Variants in LTBP3 observed in about 807,000 individuals in gnomAD.
The protein encoded by LTBP3 is latent transforming growth factor beta binding protein 3, also known as latent-transforming growth factor beta-binding protein 3.
Under a neutral mutation model 159.7 loss-of-function variants are expected in LTBP3, and 97 were observed. The observed-to-expected ratio is 0.61, with a 90% CI of 0.52 to 0.72. The LOEUF (loss-of-function observed/expected upper bound fraction) is 0.72. LTBP3 is among the 30% of genes least tolerant of loss of function. LTBP3 has a pLI of 0.00. For missense variants in LTBP3, 1,584 were observed against 1,864.3 expected, an observed-to-expected ratio of 0.85 and a Z score of 2.77; for synonymous variants, 824 against 777.1, an observed-to-expected ratio of 1.06 and a Z score of -1.00.
Position 65,557,878 on chromosome 11 carries a change from G to GCAGCAGCGC in LTBP3, c.73_81dup (p.Ala25_Leu27dup). On this transcript the variant is annotated inframe_insertion, in exon 1 of 28. Transcript: ENST00000301873. ...CCCAGCAGCAGCAGCAGCAGCAGCAGCAGCAGCGCCAGCAGCCCCGCCGCC... is the reference window on the plus strand; with the variant it reads ...CCCAGCAGCAGCAGCAGCAGCAGCAGCAGCAGCGCCAGCAGCGCCAGCAGCCCCGCCGCC... 1 of 1,318,580 alleles carries GCAGCAGCGC rather than the reference G, an allele frequency of 7.6e-7. No homozygotes were observed. The highest frequency in any genetic ancestry group is 1.9e-5 in the South Asian group (1 of 52,070). The allele number at this position is 1,318,580 out of a possible 1,614,324, so 81.7% of individuals were successfully genotyped here.
chr11:65,538,733 TG>T lies in LTBP3; in HGVS notation c.*346del. On this transcript the variant is annotated 3_prime_UTR_variant, in exon 28 of 28. Coordinates refer to ENST00000301873, the MANE Select transcript of LTBP3 (RefSeq NM_001130144.3). ...CTTGTGCCGGGCTCAGTCTAGCCCCTGGGAGGCGGCTGGGGTCTGGCGCCGC... is the reference window on the plus strand; with the variant it reads ...CTTGTGCCGGGCTCAGTCTAGCCCCTGGAGGCGGCTGGGGTCTGGCGCCGC... 9.6e-7 allele frequency: 1 copy of T among 1,045,220 alleles called. No homozygotes were observed. The highest frequency in any genetic ancestry group is 1.3e-6 in the Non-Finnish European group (1 of 745,614). 64.7% of individuals were successfully genotyped at this position (1,045,220 alleles called of 1,614,324 possible).
In LTBP3 at chr11:65,551,395, A is replaced by G; in HGVS notation, c.1621+7T>C. On this transcript the variant is annotated splice_region_variant and intron_variant, in intron 10 of 27. Coordinates refer to ENST00000301873, the MANE Select transcript of LTBP3 (RefSeq NM_001130144.3). ...TTGAGGACTCATCCCTACAGTGCCC[A>G]GCTCACCGGGGTAGGGCCGGGCAGG... is the stretch of plus-strand genomic sequence containing the variant. 1 of 1,612,426 alleles carries G rather than the reference A, an allele frequency of 6.2e-7. No individual in the cohort carries two copies. Among genetic ancestry groups the G allele is most frequent in the Non-Finnish European group, 8.5e-7 (1 of 1,179,892 alleles).
intron 24 of LTBP3, 61 bp from the exon 25 acceptor site, chr11:65,539,942 C>G (rs763745752): frequency 4.8e-5 from 70 of 1,467,034 alleles, no homozygotes; most frequent in Admixed American, 3.9e-4. Context: ...GCCTCCGCCC[C>G]ACCCCACCTG....
chr11:65,553,573 C>G lies in LTBP3; in HGVS notation c.865-43G>C, dbSNP rs752249307. On this transcript the variant is annotated intron_variant, in intron 3 of 27. Coordinates refer to ENST00000301873, the MANE Select transcript of LTBP3 (RefSeq NM_001130144.3). The surrounding 1 kb of genome is among the most constrained non-coding windows in gnomAD (Gnocchi z 6.5). Reference sequence around the variant, plus strand: ...AGGTGGGGTCACAGAGCACCCCGCCCCGGTGCCGCCTGTTAGGGTTGGGCC... The same window carrying G: ...AGGTGGGGTCACAGAGCACCCCGCCGCGGTGCCGCCTGTTAGGGTTGGGCC... 1.3e-6 allele frequency: 2 copies of G among 1,499,840 alleles called. No individual in the cohort carries two copies. Among genetic ancestry groups the G allele is most frequent in the Non-Finnish European group, 1.8e-6 (2 of 1,085,692 alleles). 92.9% of individuals were successfully genotyped at this position (1,499,840 alleles called of 1,614,324 possible). A position where few individuals can be genotyped will look rare whatever the true frequency, so the allele number is the denominator to read the frequency against.
At chr11:65,556,442 C>T (rs1856815847) in intron 1 of LTBP3, among the ~76,000 whole-genome samples, 1 of 152,184 alleles carries the variant, frequency 6.6e-6, no homozygotes, top group South Asian at 2.1e-4. Context: ...GCAGGAGAAT[C>T]ACTTGAACCC....
chr11:65,547,939 G>T lies in LTBP3; in HGVS notation c.1827C>A (p.Pro609=). Reference sequence around the variant, plus strand: ...GCTCACCCACGCAGTAGCGGTGCTGGGGATGTGACCGGTAGCCGGGGTTGC... The same window carrying T: ...GCTCACCCACGCAGTAGCGGTGCTGTGGATGTGACCGGTAGCCGGGGTTGC... The part of the protein sequence containing the change: ...CHCNPGYRSH[P]QHRYCVDVNE... Residue 609 remains proline (P), a synonymous_variant, in exon 12 of 28, where the codon CCC becomes CCA. Coordinates refer to ENST00000301873, the MANE Select transcript of LTBP3 (RefSeq NM_001130144.3). The surrounding 1 kb of genome is among the most constrained non-coding windows in gnomAD (Gnocchi z 4.6). 1 of 1,613,890 alleles carries T rather than the reference G, an allele frequency of 6.2e-7. No individual in the cohort carries two copies.
Position 65,557,729 on chromosome 11 carries a change from C to T in LTBP3, c.231G>A (p.Lys77=). ...APVICKRTCL[K]GQCRDSCQQG... is the part of the protein sequence containing the mutation. ...GCTGACAACTGTCCCGACACTGGCC[C>T]TTGAGACAGGTCCGCTTGCAGATCA... Residue 77 remains lysine, a synonymous_variant, in exon 1 of 28, where the codon AAG becomes AAA. Coordinates refer to ENST00000301873, the MANE Select transcript of LTBP3 (RefSeq NM_001130144.3). The T allele has an allele frequency of 1.2e-6, 2 of 1,608,424 alleles. No homozygotes were observed. The highest frequency in any genetic ancestry group is 1.7e-6 in the Non-Finnish European group (2 of 1,179,850).
At chr11:65,540,195 GC>G in intron 23 of LTBP3, 42 bp from the exon 24 acceptor site, 1 of 1,541,314 alleles carries the variant, frequency 6.5e-7, no homozygotes, top group East Asian at 2.5e-5. Context: ...TCACAGCTCG[GC>G]CCGGGCCCCG....
chr11:65,539,732 G>A lies in LTBP3; in HGVS notation c.3535C>T (p.Pro1179Ser). 6.5e-7 allele frequency: 1 copy of A among 1,547,700 alleles called. No individual in the cohort carries two copies. The highest frequency in any genetic ancestry group is 1.2e-5 in the South Asian group (1 of 85,230). Residue 1179 changes from proline (P) to serine (S), a missense_variant, in exon 25 of 28, where the codon CCG becomes TCG. Transcript: ENST00000301873. The part of the protein sequence containing the change: ...GWGAQCRPCP[P>S]RGAGSHCPTS... ...CCGACTGCCTTACCCGCGCCGCGCG[G>A]CGGGCACGGTCGGCATTGGGCGCCC...
At position 65,554,408 on chromosome 11, in the gene LTBP3, C is replaced by T; in HGVS notation, c.332-28G>A. The T allele has an allele frequency of 6.4e-7, 1 of 1,566,238 alleles. No individual in the cohort carries two copies. Among genetic ancestry groups the T allele is most frequent in the Non-Finnish European group, 8.7e-7 (1 of 1,145,448 alleles). ...GGGGAGAAGAGTGGGGTCAGGCCCT[C>T]ACCCACATCCTGTCTCTTTCCCCTC... is the stretch of plus-strand genomic sequence containing the variant. On this transcript the variant is annotated intron_variant, in intron 1 of 27. Transcript: ENST00000301873. The surrounding 1 kb of genome is among the most constrained non-coding windows in gnomAD (Gnocchi z 5.3).
chr11:65,540,965 A>G lies in LTBP3; in HGVS notation c.2894-11T>C. On this transcript the variant is annotated splice_polypyrimidine_tract_variant and intron_variant, in intron 20 of 27. Transcript: ENST00000301873. ...GGCTGTGGAACTCGGCTGCAGGGGCAGGGCGGCCGTGGGGAGGGAAGAGGC... is the reference window on the plus strand; with the variant it reads ...GGCTGTGGAACTCGGCTGCAGGGGCGGGGCGGCCGTGGGGAGGGAAGAGGC... 1 of 1,611,908 alleles carries G rather than the reference A, an allele frequency of 6.2e-7. No individual in the cohort carries two copies.
chr11:65,552,315 C>T lies in LTBP3; in HGVS notation c.1278G>A (p.Gln426=). ...CCTTGCCGACACTGCAGCAGCAGAG[C>T]TGGCGGGTCAGGCGGGTGGTCAGTG... The part of the protein sequence containing the change: ...QHPLTTRLTR[Q]LCCCSVGKAW... Residue 426 remains glutamine (Q), a synonymous_variant, in exon 7 of 28, where the codon CAG becomes CAA. Coordinates refer to ENST00000301873, the MANE Select transcript of LTBP3 (RefSeq NM_001130144.3). This position sits in a 1 kb window ranked among gnomAD's most constrained non-coding sequence, Gnocchi z 6.0. 1.9e-6 allele frequency: 3 copies of T among 1,614,122 alleles called. No individual in the cohort carries two copies. The highest frequency in any genetic ancestry group is 2.5e-6 in the Non-Finnish European group (3 of 1,180,008).
rs925066687 is a variant in LTBP3, at chr11:65,552,335, T to G, written c.1258A>C (p.Thr420Pro). 1 of 1,613,814 alleles carries G rather than the reference T, an allele frequency of 6.2e-7. No individual in the cohort carries two copies. Among genetic ancestry groups the G allele is most frequent in the Non-Finnish European group, 8.5e-7 (1 of 1,179,974 alleles). The change falls in exon 7 of 28, where the codon ACC (threonine) becomes CCC (proline). Residue 420 changes from threonine (T) to proline (P), a missense_variant. By Grantham distance (38) the Thr-to-Pro change is conservative (BLOSUM62 -1). This residue lies in a region of LTBP3 where 156 missense variants were observed against 259.7 expected (regional missense o/e 0.60). Coordinates refer to ENST00000301873, the MANE Select transcript of LTBP3 (RefSeq NM_001130144.3). This position sits in a 1 kb window ranked among gnomAD's most constrained non-coding sequence, Gnocchi z 6.0. The stretch of plus-strand genomic sequence containing the variant: ...CAGAGCTGGCGGGTCAGGCGGGTGG[T>G]CAGTGGGTGCTGGCACTGGTGCTCA... Reference protein sequence around the residue: ...SPEHQCQHPLTTRLTRQLCCC... With the variant: ...SPEHQCQHPLPTRLTRQLCCC...
At position 65,558,196 on chromosome 11, in the gene LTBP3, G is replaced by A; in HGVS notation, c.-237C>T. The stretch of plus-strand genomic sequence containing the variant: ...CAGGACGAAGCCCAGACCAGGCCCC[G>A]AACTCAGGCAGGAGCGAGGAGGCCG... On this transcript the variant is annotated 5_prime_UTR_variant, in exon 1 of 28. Transcript: ENST00000301873. The A allele has an allele frequency of 6.6e-6, 7 of 1,061,280 alleles. No homozygotes were observed. Among genetic ancestry groups the A allele is most frequent in the Non-Finnish European group, 8.0e-6 (7 of 877,532 alleles). The allele number at this position is 1,061,280 out of a possible 1,614,324, so 65.7% of individuals were successfully genotyped here.
chr11:65,538,950 G>A lies in LTBP3; in HGVS notation c.*130C>T. ...CCGGTAGGGGCGCCTCGGGTCTCAAGGCGCCGGGAGGGTCTGCGGGCCCTG... is the reference window on the plus strand; with the variant it reads ...CCGGTAGGGGCGCCTCGGGTCTCAAAGCGCCGGGAGGGTCTGCGGGCCCTG... On this transcript the variant is annotated 3_prime_UTR_variant, in exon 28 of 28. Coordinates refer to ENST00000301873, the MANE Select transcript of LTBP3 (RefSeq NM_001130144.3). 7.6e-7 allele frequency: 1 copy of A among 1,310,336 alleles called. No homozygotes were observed. The highest frequency in any genetic ancestry group is 9.7e-7 in the Non-Finnish European group (1 of 1,030,702). The allele number at this position is 1,310,336 out of a possible 1,614,324, so 81.2% of individuals were successfully genotyped here.
chr11:65,556,457 G>C (rs1280878870), intron 1 of LTBP3, among the ~76,000 whole-genome samples: 1 of 152,216 alleles, frequency 6.6e-6, no homozygotes, highest in African/African-American at 2.4e-5. Context: ...GAACCCAGAA[G>C]GGGGAGGTTG....
rs769536340 is a variant in LTBP3, at chr11:65,553,945, C to CCGCG, written c.662-46_662-43dup. ...TGGCCTCAGGGCTGCCCGCACCGCG[C>CCGCG]CGCGGGTCACCGCGCTGAGCTCCTC... On this transcript the variant is annotated intron_variant, in intron 2 of 27. Coordinates refer to ENST00000301873, the MANE Select transcript of LTBP3 (RefSeq NM_001130144.3). This position sits in a 1 kb window ranked among gnomAD's most constrained non-coding sequence, Gnocchi z 6.5. The CCGCG allele has an allele frequency of 7.9e-6, 12 of 1,519,686 alleles. No homozygotes were observed. In the African/African-American group the frequency reaches 9.6e-5, roughly 12 times the overall value. The allele number at this position is 1,519,686 out of a possible 1,614,324, so 94.1% of individuals were successfully genotyped here. A position where few individuals can be genotyped will look rare whatever the true frequency, so the allele number is the denominator to read the frequency against.
chr11:65,551,694 AGGGGTTAGATTCT>A (rs1242173612), intron 8 of LTBP3, 130 bp from the exon 9 acceptor site: 1 of 1,225,086 alleles, frequency 8.2e-7, no homozygotes, highest in Non-Finnish European at 1.2e-6. Context: ...GTCAAGGGTC[AGGGGTTAGATTCT>A]GGGGTTAGGG....
chr11:65,548,452 C>G (rs1202636617), intron 11 of LTBP3: 1 of 387,454 alleles, frequency 2.6e-6, no homozygotes, highest in Non-Finnish European at 4.8e-6. Context: ...CACCAGTGTC[C>G]TCTAGCCCAG....
Sources: gnomAD v4.1 joint callset for allele counts (sites outside exome capture counted in the v4.1 genomes callset) on GRCh38, gnomAD v4.1.1 for gene constraint, gnomAD v4.1.1 regional missense constraint, Gnocchi (gnomAD v3.1) non-coding constraint, MANE v1.5 for transcripts, NCBI Gene and HGNC (gene_info 2026-07-23, HGNC 2026-07-21) for gene names.